The following ZFP1 variants were observed in gnomAD, a reference collection of about 807,000 sequenced individuals.
The protein encoded by ZFP1 is zinc finger protein 1 homolog.
Under a neutral mutation model 38.5 loss-of-function variants are expected in ZFP1, and 32 were observed. The ratio of observed to expected loss-of-function variants is 0.83; its 90% confidence interval spans 0.63 to 1.12. ZFP1 has a LOEUF of 1.12. ZFP1 is among the 50% of genes most tolerant of loss of function. The pLI, the probability that ZFP1 is intolerant of heterozygous loss-of-function variation, is 0.00. For synonymous variants in ZFP1, 245 were observed against 168.8 expected (o/e 1.45, Z -3.50); for missense variants, 616 against 480.8 (o/e 1.28, Z -2.63).
chr16:75,132,188 G>C, the ZFP1 span, among the ~76,000 whole-genome samples: 1 of 152,102 alleles, frequency 6.6e-6, no homozygotes, highest in Non-Finnish European at 1.5e-5. Context: ...AGAAGTTTGA[G>C]ACCAGCCTGG....
chr16:75,142,087 G>T, the ZFP1 span, among the ~76,000 whole-genome samples: 1 of 150,160 alleles, frequency 6.7e-6, no homozygotes, highest in Admixed American at 6.7e-5. Flanking sequence ...GCTGGGCGCG[G>T]TGGCTCATAC....
chr16:75,129,920 G>C, the ZFP1 span, among the ~76,000 whole-genome samples: 8 of 152,196 alleles, frequency 5.3e-5, no homozygotes, highest in Admixed American at 5.2e-4. Context: ...CAAAAGGAAG[G>C]AAAGTACACT....
chr16:75,131,544 C>T, the ZFP1 span, among the ~76,000 whole-genome samples: 1 of 152,076 alleles, frequency 6.6e-6, no homozygotes, highest in Non-Finnish European at 1.5e-5. Flanking sequence ...CGGGAGTGCA[C>T]ACTCCCCTCT....
intron 2 of ZFP1, among the ~76,000 whole-genome samples, chr16:75,161,736 T>G (rs1280169443): frequency 8.4e-6 from 1 of 118,534 alleles, no homozygotes; most frequent in African/African-American, 3.1e-5. Flanking sequence ...GAAATACAAA[T>G]AAAGCATAGT....
the ZFP1 span, among the ~76,000 whole-genome samples, chr16:75,122,253 C>T: frequency 2.6e-5 from 4 of 152,266 alleles, no homozygotes; most frequent in Admixed American, 6.5e-5. Flanking sequence ...AGGGTTGGAC[C>T]GCACAGTCTA....
In ZFP1 at chr16:75,148,535, A is replaced by C. The variant is rs374106642; in HGVS notation, c.-152A>C. On this transcript the variant is annotated 5_prime_UTR_variant, in exon 1 of 4. Coordinates refer to ENST00000570010, the MANE Select transcript of ZFP1 (RefSeq NM_153688.4). The stretch of plus-strand genomic sequence containing the variant: ...GCGCGCCGGTGGCCGCCCTTCCCCC[A>C]CCACCAGCGGCGAGTGGGTGACAGA... 0.032 allele frequency: 4,896 copies of C among 152,240 alleles called. 191 individuals are homozygous for C. Among genetic ancestry groups the C allele is most frequent in the Admixed American group, 0.11 (1,613 of 15,264 alleles). The allele number at this position is 152,240 out of a possible 1,614,324, so 9.4% of individuals were successfully genotyped here.
intron 1 of ZFP1, 100 bp downstream of exon 1, chr16:75,148,743 G>C (rs554452573): frequency 2.0e-5 from 3 of 152,306 alleles, no homozygotes; most frequent in Non-Finnish European, 4.4e-5. Flanking sequence ...CCCAAACTTC[G>C]GCTACTCGTA....
At chr16:75,121,169 GT>G in the ZFP1 span, among the ~76,000 whole-genome samples, 94 of 140,082 alleles carry the variant, frequency 6.7e-4, no homozygotes, top group East Asian at 1.4e-3. Context: ...TTTCTTTTTT[GT>G]TTTTTTTTTT....
chr16:75,146,401 T>C (rs2036944976), upstream of ZFP1, among the ~76,000 whole-genome samples: 2 of 152,034 alleles, frequency 1.3e-5, no homozygotes, highest in Non-Finnish European at 2.9e-5. Context: ...TCTCCTGACC[T>C]CGTGATCCGC....
chr16:75,135,672 G>A, the ZFP1 span, among the ~76,000 whole-genome samples: 27 of 152,196 alleles, frequency 1.8e-4, no homozygotes, highest in African/African-American at 4.6e-4. Flanking sequence ...GAAGAACAAA[G>A]GATGTTGAGG....
the ZFP1 span, among the ~76,000 whole-genome samples, chr16:75,137,613 A>G: frequency 0.84 from 127,496 of 151,008 alleles, 54,711 homozygotes; most frequent in Non-Finnish European, 0.92. Context: ...ACAGGCGCCC[A>G]CCACCACGCC....
chr16:75,146,534 A>G (rs1485158217), upstream of ZFP1, among the ~76,000 whole-genome samples: 1 of 152,218 alleles, frequency 6.6e-6, no homozygotes, highest in Non-Finnish European at 1.5e-5. Context: ...ACAGATGTTT[A>G]GAGCAGCTTT....
At chr16:75,135,638 T>C in the ZFP1 span, among the ~76,000 whole-genome samples, 1 of 152,032 alleles carries the variant, frequency 6.6e-6, no homozygotes, top group East Asian at 1.9e-4. Flanking sequence ...TTGCCAGGTG[T>C]TCAAGGTGGG....
the ZFP1 span, among the ~76,000 whole-genome samples, chr16:75,137,713 GCC>G: frequency 6.6e-6 from 1 of 151,700 alleles, no homozygotes; most frequent in East Asian, 1.9e-4. Context: ...TGATCCGCCC[GCC>G]TTGGCTTCCC....
At position 75,169,702 on chromosome 16, in the gene ZFP1, C is replaced by T. The variant is rs2038316701; in HGVS notation, c.592C>T (p.Leu198Phe). 1.2e-6 allele frequency: 2 copies of T among 1,612,402 alleles called. No individual in the cohort carries two copies. Among genetic ancestry groups the T allele is most frequent in the African/African-American group, 1.3e-5 (1 of 74,802 alleles). Residue 198 changes from leucine to phenylalanine, a missense_variant, in exon 4 of 4, where the codon CTC becomes TTC. By Grantham distance (22) the Leu-to-Phe change is conservative. Coordinates refer to ENST00000570010, the MANE Select transcript of ZFP1 (RefSeq NM_153688.4). ...YCDKAFSFKS[L>F]LISHKRIHTG... is the part of the protein sequence containing the mutation. Reference sequence around the variant, plus strand: ...TGACAAGGCTTTCTCCTTTAAGTCACTCCTCATTAGTCATAAGAGAATACA... The same window carrying T: ...TGACAAGGCTTTCTCCTTTAAGTCATTCCTCATTAGTCATAAGAGAATACA...
intron 3 of ZFP1, among the ~76,000 whole-genome samples, chr16:75,167,704 G>A (rs944816404): frequency 6.6e-6 from 1 of 152,124 alleles, no homozygotes; most frequent in Non-Finnish European, 1.5e-5. Context: ...AGCTCAAGTA[G>A]TCTTCCCACC....
chr16:75,169,498 C>A lies in ZFP1; in HGVS notation c.388C>A (p.Gln130Lys). Residue 130 changes from glutamine (Q) to lysine (K), a missense_variant, in exon 4 of 4, where the codon CAG (glutamine) becomes AAG (lysine). Transcript: ENST00000570010. Reference sequence around the variant, plus strand: ...TAGTAATAGAAGCTATGCAGGAAAGCAGACTGATGAGTGTAATGAATTTGG... The same window carrying A: ...TAGTAATAGAAGCTATGCAGGAAAGAAGACTGATGAGTGTAATGAATTTGG... ...LNSNRSYAGK[Q>K]TDECNEFGKA... The A allele has an allele frequency of 6.2e-7, 1 of 1,613,100 alleles. No individual in the cohort carries two copies. Among genetic ancestry groups the A allele is most frequent in the Non-Finnish European group, 8.5e-7 (1 of 1,179,848 alleles).
the ZFP1 span, among the ~76,000 whole-genome samples, chr16:75,134,567 A>G: frequency 6.6e-6 from 1 of 151,562 alleles, no homozygotes. Flanking sequence ...CCTGGCTAAC[A>G]TGGTGAAACC....
At chr16:75,123,894 A>G in the ZFP1 span, among the ~76,000 whole-genome samples, 1 of 151,286 alleles carries the variant, frequency 6.6e-6, no homozygotes, top group Non-Finnish European at 1.5e-5. Context: ...AATCAAGACC[A>G]TTCTGGCCGA....
Sources: gnomAD v4.1 joint callset for allele counts (sites outside exome capture counted in the v4.1 genomes callset) on GRCh38, gnomAD v4.1.1 for gene constraint, MANE v1.5 for transcripts, NCBI Gene and HGNC (gene_info 2026-07-23, HGNC 2026-07-21) for gene names.